RFT1: variants seen among roughly 807,000 people sequenced by gnomAD.
RFT1 encodes the protein man(5)GlcNAc(2)-PP-dolichol translocation protein RFT1.
RFT1 carries 43 observed loss-of-function variants against 62.2 expected under a neutral mutation model. That is an observed-to-expected ratio of 0.69 (90% CI 0.54 to 0.89). The LOEUF is 0.89. RFT1 is among the 40% of genes least tolerant of loss of function. The pLI, the probability that RFT1 is intolerant of heterozygous loss-of-function variation, is 0.00. For synonymous variants in RFT1, 262 were observed against 264.6 expected (o/e 0.99, Z 0.10); for missense variants, 605 against 649.9 (o/e 0.93, Z 0.75).
chr3:53,117,534 T>C (rs1344762315), intron 6 of RFT1, among the ~76,000 whole-genome samples: 1 of 152,214 alleles, frequency 6.6e-6, no homozygotes, highest in Admixed American at 6.5e-5. Flanking sequence ...AGTATCACTA[T>C]GTGTGACAGG....
chr3:53,097,157 T>C (rs2107085772), intron 11 of RFT1, among the ~76,000 whole-genome samples: 1 of 152,340 alleles, frequency 6.6e-6, no homozygotes, highest in Non-Finnish European at 1.5e-5. Context: ...GTCATTATAA[T>C]TGATTGTAAC....
At chr3:53,124,116 T>C (rs1385278408) in intron 2 of RFT1, among the ~76,000 whole-genome samples, 1 of 152,214 alleles carries the variant, frequency 6.6e-6, no homozygotes, top group Non-Finnish European at 1.5e-5. Flanking sequence ...CCTTCATGGC[T>C]ACAGGCAGAG....
In RFT1 at chr3:53,105,788, A is replaced by G; in HGVS notation, c.842T>C (p.Val281Ala). 6.2e-7 allele frequency: 1 copy of G among 1,613,760 alleles called. No homozygotes were observed. Among genetic ancestry groups the G allele is most frequent in the Non-Finnish European group, 8.5e-7 (1 of 1,179,764 alleles). ...NFGDQGVYDI[V>A]NNLGSLVARL... The stretch of plus-strand genomic sequence containing the variant: ...GGCCACAAGGGAGCCAAGATTATTC[A>G]CTATATCATACACACCTACAAAACA... The change falls in exon 9 of 13, where the codon GTG becomes GCG. Residue 281 changes from valine to alanine, a missense_variant. Transcript: ENST00000296292.
chr3:53,121,239 T>C (rs1701959222), intron 5 of RFT1, among the ~76,000 whole-genome samples: 1 of 152,198 alleles, frequency 6.6e-6, no homozygotes, highest in Admixed American at 6.5e-5. Flanking sequence ...TCATGCCCTC[T>C]GAATTATGTG....
intron 10 of RFT1, chr3:53,103,196 G>A: frequency 1.0e-6 from 1 of 985,394 alleles, no homozygotes; most frequent in South Asian, 4.7e-5. Context: ...CTTGTAAAAT[G>A]GCATTTGACA....
chr3:53,120,225 C>G (rs1159723746), intron 5 of RFT1, among the ~76,000 whole-genome samples: 1 of 152,210 alleles, frequency 6.6e-6, no homozygotes, highest in Admixed American at 6.5e-5. Flanking sequence ...CAACACTTCA[C>G]TTAACTGGAA....
intron 7 of RFT1, among the ~76,000 whole-genome samples, chr3:53,110,079 G>A (rs1403577645): frequency 6.6e-6 from 1 of 152,134 alleles, no homozygotes; most frequent in African/African-American, 2.4e-5. Context: ...ACTTAAACCA[G>A]CTGCTGCAAA....
At chr3:53,126,849 A>G (rs1239255281) in intron 1 of RFT1, among the ~76,000 whole-genome samples, 2 of 152,238 alleles carry the variant, frequency 1.3e-5, no homozygotes, top group African/African-American at 4.8e-5. Context: ...TCTGCATCCC[A>G]GCAGCAAATG....
the RFT1 span, among the ~76,000 whole-genome samples, chr3:53,079,532 G>A: frequency 1.3e-5 from 2 of 152,144 alleles, no homozygotes; most frequent in Non-Finnish European, 2.9e-5. Flanking sequence ...TCAGGAGTTC[G>A]AGACCAGTCT....
At chr3:53,124,179 T>G (rs1702047649) in intron 2 of RFT1, among the ~76,000 whole-genome samples, 1 of 152,166 alleles carries the variant, frequency 6.6e-6, no homozygotes, top group Non-Finnish European at 1.5e-5. Context: ...ACCCCACCCT[T>G]CTTGGTCACA....
At chr3:53,073,628 T>C in the RFT1 span, among the ~76,000 whole-genome samples, 1 of 152,226 alleles carries the variant, frequency 6.6e-6, no homozygotes, top group African/African-American at 2.4e-5. Context: ...AGAGTGAAAC[T>C]GTGAAGAGCC....
intron 10 of RFT1, among the ~76,000 whole-genome samples, chr3:53,101,970 G>A (rs927939473): frequency 2.6e-5 from 4 of 151,848 alleles, no homozygotes; most frequent in South Asian, 4.2e-4. Context: ...CCGGGAGGTG[G>A]AGGCTGCAGT....
the RFT1 span, among the ~76,000 whole-genome samples, chr3:53,078,707 A>C: frequency 6.6e-6 from 1 of 152,122 alleles, no homozygotes; most frequent in East Asian, 1.9e-4. Flanking sequence ...GCATCACTGC[A>C]CTCCAGCCCA....
chr3:53,097,089 T>C (rs1357183788), intron 11 of RFT1, among the ~76,000 whole-genome samples: 1 of 152,134 alleles, frequency 6.6e-6, no homozygotes, highest in Non-Finnish European at 1.5e-5. Context: ...TAACCTTAAG[T>C]TGGTTAAGTA....
At chr3:53,123,995 T>C (rs1702041570) in intron 2 of RFT1, among the ~76,000 whole-genome samples, 155 bp from the exon 3 acceptor site, 1 of 152,156 alleles carries the variant, frequency 6.6e-6, no homozygotes, top group African/African-American at 2.4e-5. Flanking sequence ...CCCCTACCGG[T>C]CTGATCCATG....
chr3:53,122,085 C>A (rs1373273357), intron 4 of RFT1, among the ~76,000 whole-genome samples: 1 of 152,048 alleles, frequency 6.6e-6, no homozygotes, highest in Non-Finnish European at 1.5e-5. Flanking sequence ...TAAATATAAC[C>A]ACTAGAAAAA....
chr3:53,091,507 G>A lies in RFT1; in HGVS notation c.*396C>T, dbSNP rs1197127385. On this transcript the variant is annotated 3_prime_UTR_variant, in exon 13 of 13. Coordinates refer to ENST00000296292, the MANE Select transcript of RFT1 (RefSeq NM_052859.4). ...GAAGAAGTTCAATATTCCTGTGAAG[G>A]GTAAAATCACTGCATCTCTTTTTCT... 7.8e-6 allele frequency: 2 copies of A among 257,060 alleles called. No homozygotes were observed. The highest frequency in any genetic ancestry group is 9.8e-5 in the Admixed American group (2 of 20,508). 15.9% of individuals were successfully genotyped at this position (257,060 alleles called of 1,614,324 possible). A position where few individuals can be genotyped will look rare whatever the true frequency, so the allele number is the denominator to read the frequency against.
At chr3:53,070,669 C>CT in the RFT1 span, among the ~76,000 whole-genome samples, 2 of 151,260 alleles carry the variant, frequency 1.3e-5, no homozygotes, top group Non-Finnish European at 2.9e-5. Context: ...TCCCAAACTG[C>CT]TGGGTGTATT....
intron 10 of RFT1, among the ~76,000 whole-genome samples, chr3:53,101,159 A>C (rs1701300624): frequency 6.6e-6 from 1 of 152,336 alleles, no homozygotes; most frequent in Admixed American, 6.5e-5. Context: ...CCGACGCTCA[A>C]CAAAAAACCG....
Sources: allele counts gnomAD v4.1 joint callset (sites outside exome capture counted in the v4.1 genomes callset), GRCh38; gene constraint gnomAD v4.1.1; transcripts MANE v1.5; gene names NCBI Gene and HGNC (gene_info 2026-07-23, HGNC 2026-07-21).